The following DNAH5 variants were observed in gnomAD, a reference collection of about 807,000 sequenced individuals.
DNAH5 encodes the protein dynein axonemal heavy chain 5.
DNAH5 carries 372 observed loss-of-function variants against 518.2 expected under a neutral mutation model. The observed-to-expected ratio is 0.72, with a 90% confidence interval of 0.66 to 0.78. The LOEUF is 0.78. DNAH5 is among the 30% of genes least tolerant of loss of function. DNAH5 has a pLI of 0.00. For synonymous variants in DNAH5, 2,039 were observed against 2,025.9 expected (o/e 1.01, Z -0.17); for missense variants, 5,523 against 5,687.0 (o/e 0.97, Z 0.93).
intron 32 of DNAH5, 32 bp downstream of exon 32, chr5:13,844,805 G>T (rs1305034828): frequency 6.2e-7 from 1 of 1,614,002 alleles, no homozygotes; most frequent in South Asian, 1.1e-5. Context: ...AAGGTACGGT[G>T]ATTGTTGGCC....
intron 42 of DNAH5, among the ~76,000 whole-genome samples, chr5:13,816,974 T>C (rs1039616757): frequency 2.0e-5 from 3 of 152,180 alleles, no homozygotes; most frequent in Non-Finnish European, 4.4e-5. Context: ...TCTGAGAACA[T>C]TGGGTTCAAT....
chr5:13,712,766 A>C (rs1418683370), intron 75 of DNAH5, among the ~76,000 whole-genome samples: 1 of 152,172 alleles, frequency 6.6e-6, no homozygotes, highest in East Asian at 1.9e-4. Flanking sequence ...TCAAAACCAC[A>C]ACGCGACAAC....
At position 13,717,246 on chromosome 5, in the gene DNAH5, G is replaced by C. The variant is rs895412535; in HGVS notation, c.12705+69C>G. 1.4e-5 allele frequency: 20 copies of C among 1,384,712 alleles called. No homozygotes were observed. In the East Asian group the frequency reaches 4.3e-4, roughly 30 times the overall value. The allele number at this position is 1,384,712 out of a possible 1,614,324, so 85.8% of individuals were successfully genotyped here. ...CTTATATAATTTACGCCAAAGCTAG[G>C]AGGTCCCGTGAGCTTGATGGCCCAA... On this transcript the variant is annotated intron_variant, in intron 73 of 78. Transcript: ENST00000265104.
chr5:13,752,095 T>C (rs1750314061), intron 64 of DNAH5, 39 bp downstream of exon 64: 2 of 1,609,196 alleles, frequency 1.2e-6, no homozygotes, highest in Admixed American at 1.7e-5. Context: ...GGCCTCATGG[T>C]AATTGTTCTG....
chr5:13,885,889 T>C (rs112910453), intron 18 of DNAH5, 75 bp downstream of exon 18: 9 of 1,295,286 alleles, frequency 6.9e-6, no homozygotes, highest in African/African-American at 2.9e-5. Flanking sequence ...AATTAATTGG[T>C]ATGTAGAAAA....
intron 1 of DNAH5, among the ~76,000 whole-genome samples, chr5:14,011,610 T>C (rs960641201): frequency 1.3e-5 from 2 of 152,096 alleles, no homozygotes; most frequent in African/African-American, 4.8e-5. Flanking sequence ...CGGCCCTGGC[T>C]GGGCGTGGGA....
intron 12 of DNAH5, 29 bp downstream of exon 12, chr5:13,911,357 G>C: frequency 6.4e-7 from 1 of 1,554,976 alleles, no homozygotes; most frequent in Non-Finnish European, 8.9e-7. Flanking sequence ...ACACACGACT[G>C]TCAACAGGAA....
In DNAH5 at chr5:13,695,197, G is replaced by A. The variant is rs191331148; in HGVS notation, c.13724-3062C>T. Reference sequence around the variant, plus strand: ...ATATTTGAGATGCCTCCAAAGCCACGTGACTAATGACTAGGATGATAAAAG... The same window carrying A: ...ATATTTGAGATGCCTCCAAAGCCACATGACTAATGACTAGGATGATAAAAG... On this transcript the variant is annotated intron_variant, in intron 78 of 78. Transcript: ENST00000265104. Among the ~76,000 whole-genome samples, 7 of 152,314 alleles carry A rather than the reference G, an allele frequency of 4.6e-5. No homozygotes were observed. The East Asian group carries it at 7.7e-4, about 17-fold the overall frequency.
rs868830185 is a variant in DNAH5, at chr5:13,793,719, C to T, written c.8020G>A (p.Glu2674Lys). 6.2e-7 allele frequency: 1 copy of T among 1,613,968 alleles called. No homozygotes were observed. Among genetic ancestry groups the T allele is most frequent in the South Asian group, 1.1e-5 (1 of 91,076 alleles). Reference protein sequence around the residue: ...INEWGDQVTNEIVRQLMEQNG... With the variant: ...INEWGDQVTNKIVRQLMEQNG... ...TGTTCCATCAGCTGTCGCACTATCT[C>T]ATTCGTAACCTACAAAAGACAACTT... Residue 2674 changes from glutamate (E) to lysine (K), a missense_variant, in exon 49 of 79, where the codon GAG (glutamate) becomes AAG (lysine). Glu to Lys is a moderately conservative substitution (Grantham distance 56). Coordinates refer to ENST00000265104, the MANE Select transcript of DNAH5 (RefSeq NM_001369.3).
At chr5:13,808,796 A>C (rs972315655) in intron 46 of DNAH5, among the ~76,000 whole-genome samples, 5 of 152,028 alleles carry the variant, frequency 3.3e-5, no homozygotes, top group African/African-American at 1.2e-4. Flanking sequence ...TGTCTCTACT[A>C]ATAAATACAA....
At chr5:13,967,392 T>C (rs556524782) in intron 1 of DNAH5, among the ~76,000 whole-genome samples, 11 of 152,328 alleles carry the variant, frequency 7.2e-5, no homozygotes, top group Admixed American at 5.2e-4. Context: ...TTCTTATATA[T>C]GTGGCTTGCC....
At chr5:13,850,292 T>C (rs1005521004) in intron 31 of DNAH5, among the ~76,000 whole-genome samples, 2 of 134,030 alleles carry the variant, frequency 1.5e-5, no homozygotes, top group African/African-American at 5.7e-5. Context: ...ATGTATATAC[T>C]AAACACTGTT....
At chr5:13,773,411 A>G (rs1477488466) in intron 55 of DNAH5, among the ~76,000 whole-genome samples, 1 of 152,138 alleles carries the variant, frequency 6.6e-6, no homozygotes, top group African/African-American at 2.4e-5. Flanking sequence ...TTCTTGGTAG[A>G]GGGACTAGTG....
At chr5:13,721,952 C>T (rs1373585672) in intron 70 of DNAH5, among the ~76,000 whole-genome samples, 1 of 152,068 alleles carries the variant, frequency 6.6e-6, no homozygotes, top group Non-Finnish European at 1.5e-5. Flanking sequence ...GAATATGATC[C>T]TTAGTCTATA....
intron 28 of DNAH5, 56 bp from the exon 29 acceptor site, chr5:13,862,803 A>C (rs1768654107): frequency 1.4e-6 from 2 of 1,393,948 alleles, no homozygotes; most frequent in African/African-American, 1.4e-5. Flanking sequence ...TCCTTCCTTA[A>C]TAGTCTACGT....
intron 35 of DNAH5, among the ~76,000 whole-genome samples, chr5:13,835,602 GGAGGGCCAGTTTTTTC>G (rs1382835893): frequency 6.6e-6 from 1 of 152,082 alleles, no homozygotes; most frequent in Non-Finnish European, 1.5e-5. Flanking sequence ...GGCTGGGGTT[GGAGGGCCAGTTTTTTC>G]GAGGGCTACA....
At position 13,786,217 on chromosome 5, in the gene DNAH5, T is replaced by C. The variant is rs946953944; in HGVS notation, c.8782A>G (p.Met2928Val). The C allele has an allele frequency of 9.9e-6, 16 of 1,613,922 alleles. No homozygotes were observed. The African/African-American group carries it at 1.9e-4, about 19-fold the overall frequency. ...NESIRGAGMD[M>V]VFFADAMVHL... Reference sequence around the variant, plus strand: ...ACCATGGCATCTGCAAAGAACACCATGTCCATGCCGGCGCCACGGATGCTC... The same window carrying C: ...ACCATGGCATCTGCAAAGAACACCACGTCCATGCCGGCGCCACGGATGCTC... The change falls in exon 52 of 79, where the codon ATG (methionine) becomes GTG (valine). Residue 2928 changes from methionine (M) to valine (V), a missense_variant. By Grantham distance (21) the Met-to-Val change is conservative. Transcript: ENST00000265104.
chr5:13,837,726 G>A (rs1342250743), intron 35 of DNAH5, among the ~76,000 whole-genome samples: 2 of 110,748 alleles, frequency 1.8e-5, no homozygotes, highest in African/African-American at 3.6e-5. Flanking sequence ...TTTTTGAGAC[G>A]GAGTTTTGCT....
chr5:13,834,304 A>G (rs546074990), intron 35 of DNAH5, among the ~76,000 whole-genome samples: 2 of 152,324 alleles, frequency 1.3e-5, no homozygotes, highest in South Asian at 2.1e-4. Context: ...AAACTATGAT[A>G]CCTATATGTG....
Sources: gnomAD v4.1 joint callset for allele counts (sites outside exome capture counted in the v4.1 genomes callset) on GRCh38, gnomAD v4.1.1 for gene constraint, MANE v1.5 for transcripts, NCBI Gene and HGNC (gene_info 2026-07-23, HGNC 2026-07-21) for gene names.